The following MYO5A variants were observed in gnomAD, a reference collection of about 807,000 sequenced individuals.
The protein encoded by MYO5A is unconventional myosin-Va.
MYO5A carries 98 observed loss-of-function variants against 249.7 expected under a neutral mutation model. The observed-to-expected ratio is 0.39, with a 90% CI of 0.33 to 0.46. The LOEUF (loss-of-function observed/expected upper bound fraction) is 0.46. Among genes scored for constraint, MYO5A ranks in the 20% least tolerant of loss-of-function variants. The pLI is 0.98. For synonymous variants in MYO5A, 778 were observed against 810.6 expected (o/e 0.96, Z 0.68); for missense variants, 1,696 against 2,308.8 (o/e 0.73, Z 5.44).
At chr15:52,474,329 T>C (rs2076543459) in intron 1 of MYO5A, among the ~76,000 whole-genome samples, 1 of 152,236 alleles carries the variant, frequency 6.6e-6, no homozygotes, top group African/African-American at 2.4e-5. Context: ...TCATGTCATC[T>C]GCAAACAGGG....
At chr15:52,473,837 C>T (rs2141462453) in intron 1 of MYO5A, among the ~76,000 whole-genome samples, 1 of 152,266 alleles carries the variant, frequency 6.6e-6, no homozygotes, top group East Asian at 1.9e-4. Context: ...ATGCCTCCAG[C>T]TTTGTTCTTT....
At chr15:52,397,570 T>G (rs2042546239) in intron 9 of MYO5A, 104 bp from the exon 10 acceptor site, 1 of 1,358,270 alleles carries the variant, frequency 7.4e-7, no homozygotes, top group African/African-American at 1.4e-5. Flanking sequence ...GCAATTTCTT[T>G]GTTATAACAA....
chr15:52,376,369 CGT>C lies in MYO5A; in HGVS notation c.2396_2397del (p.Tyr799CysfsTer11). On this transcript the variant is annotated frameshift_variant, in exon 19 of 42. Transcript: ENST00000399233. LOFTEE classifies it high-confidence loss of function. Reference sequence around the variant, plus strand: ...TACCATCGGGCCTGGTAGCCCCGCACGTATCTCTGCATGGTGATGGCTGCCTT... The same window carrying C: ...TACCATCGGGCCTGGTAGCCCCGCACATCTCTGCATGGTGATGGCTGCCTT... Reference protein sequence around the residue: ...MRKAAITMQRYVRGYQARCYA... With the variant: ...MRKAAITMQRXVRGYQARCYA... The C allele has an allele frequency of 1.2e-6, 2 of 1,614,160 alleles. No individual in the cohort carries two copies. The highest frequency in any genetic ancestry group is 1.7e-6 in the Non-Finnish European group (2 of 1,180,038).
At chr15:52,342,478 T>C (rs940023904) in intron 31 of MYO5A, among the ~76,000 whole-genome samples, 2 of 152,214 alleles carry the variant, frequency 1.3e-5, no homozygotes, top group African/African-American at 2.4e-5. Context: ...CCCCAATAGT[T>C]TGTGCCCTAA....
chr15:52,338,936 ATACT>A (rs1020288021), intron 32 of MYO5A, among the ~76,000 whole-genome samples: 5 of 152,192 alleles, frequency 3.3e-5, no homozygotes, highest in South Asian at 2.1e-4. Flanking sequence ...ATATTTGGTA[ATACT>A]TAGTCATCAA....
chr15:52,442,432 G>A (rs961690248), intron 1 of MYO5A, among the ~76,000 whole-genome samples: 2 of 152,176 alleles, frequency 1.3e-5, no homozygotes, highest in African/African-American at 2.4e-5. Context: ...AAGAGCAGAA[G>A]TGTCCTGTAC....
At chr15:52,387,934 T>C in intron 13 of MYO5A, 22 bp from the exon 14 acceptor site, 1 of 1,533,334 alleles carries the variant, frequency 6.5e-7, no homozygotes, top group Non-Finnish European at 9.0e-7. Context: ...TGGAAAAATC[T>C]CCTTAACTGA....
chr15:52,392,668 T>G (rs1214514258), intron 11 of MYO5A, among the ~76,000 whole-genome samples: 1 of 152,258 alleles, frequency 6.6e-6, no homozygotes, highest in Non-Finnish European at 1.5e-5. Context: ...TCCATTGCTA[T>G]TTCCGATGAA....
intron 1 of MYO5A, among the ~76,000 whole-genome samples, chr15:52,476,531 T>C (rs1365297918): frequency 3.3e-5 from 5 of 152,222 alleles, no homozygotes; most frequent in Non-Finnish European, 7.3e-5. Flanking sequence ...TGGCTGGTAC[T>C]GGTTGTTCCT....
Position 52,375,296 on chromosome 15 carries a change from T to C in MYO5A, c.2577+8A>G. The C allele has an allele frequency of 6.2e-7, 1 of 1,613,982 alleles. No homozygotes were observed. The highest frequency in any genetic ancestry group is 8.5e-7 in the Non-Finnish European group (1 of 1,179,868). On this transcript the variant is annotated splice_region_variant and intron_variant, in intron 20 of 41. Transcript: ENST00000399233. ...AATGAATAAACAAAGTTGAAAATAA[T>C]GCCTCACCTTGCGATACCTATTTCT...
chr15:52,372,363 T>A lies in MYO5A; in HGVS notation c.2578A>T (p.Ile860Leu). The change falls in exon 21 of 42, where the codon ATA (isoleucine) becomes TTA (leucine). Residue 860 changes from isoleucine (I) to leucine (L), a missense_variant and splice_region_variant. Physicochemically the swap from Ile to Leu is conservative, Grantham distance 5 (BLOSUM62 2). Around this residue, in one of 5 missense-constraint regions of MYO5A, gnomAD observed 412 missense variants for 453.3 expected, o/e 0.91. Coordinates refer to ENST00000399233, the MANE Select transcript of MYO5A (RefSeq NM_001382347.1). ...GFLARNRYRK[I>L]LREHKAVIIQ... ...ATGACTGCTTTGTGCTCACGGAGTA[T>A]CTGCAGAAAAGGATAAGGGCAAGCA... The A allele has an allele frequency of 6.2e-7, 1 of 1,600,990 alleles. No individual in the cohort carries two copies. The highest frequency in any genetic ancestry group is 8.5e-7 in the Non-Finnish European group (1 of 1,179,886).
At chr15:52,418,234 T>G (rs113318673) in intron 4 of MYO5A, among the ~76,000 whole-genome samples, 138 of 152,314 alleles carry the variant, frequency 9.1e-4, no homozygotes, top group African/African-American at 3.1e-3. Context: ...ACAATAATCC[T>G]AAATAGGCTG....
intron 1 of MYO5A, among the ~76,000 whole-genome samples, chr15:52,477,389 C>T (rs1351495277): frequency 6.6e-6 from 1 of 152,216 alleles, no homozygotes; most frequent in Admixed American, 6.5e-5. Flanking sequence ...CCGAAGCCTT[C>T]TTCTCTCAAC....
rs924463898 is a variant in MYO5A, at chr15:52,487,096, T to C, written c.27+41684A>G. On this transcript the variant is annotated intron_variant, in intron 1 of 41. Coordinates refer to ENST00000399233, the MANE Select transcript of MYO5A (RefSeq NM_001382347.1). ...GGTCATACGACACAAAATTATTTCCTGGGGGATGTATGGAACACTGTGCTA... is the reference window on the plus strand; with the variant it reads ...GGTCATACGACACAAAATTATTTCCCGGGGGATGTATGGAACACTGTGCTA... 6.1e-4 allele frequency among the ~76,000 whole-genome samples: 93 copies of C among 152,160 alleles called. 3 individuals are homozygous for C. Among genetic ancestry groups the C allele is most frequent in the Non-Finnish European group, 5.9e-5 (4 of 68,010 alleles).
intron 1 of MYO5A, among the ~76,000 whole-genome samples, chr15:52,474,337 G>A (rs1567160997): frequency 6.6e-6 from 1 of 152,156 alleles, no homozygotes; most frequent in Non-Finnish European, 1.5e-5. Context: ...TCTGCAAACA[G>A]GGACAATTTG....
At chr15:52,333,023 C>T (rs2038960499) in intron 34 of MYO5A, among the ~76,000 whole-genome samples, 3 of 152,140 alleles carry the variant, frequency 2.0e-5, no homozygotes, top group Admixed American at 2.0e-4. Flanking sequence ...CACCTTCTGC[C>T]ATGTAAGAAC....
intron 1 of MYO5A, among the ~76,000 whole-genome samples, chr15:52,520,253 A>T (rs2077589190): frequency 6.6e-6 from 1 of 152,174 alleles, no homozygotes; most frequent in African/African-American, 2.4e-5. Flanking sequence ...GCTCACAGCC[A>T]TCCCATGAGG....
chr15:52,380,753 C>T lies in MYO5A; in HGVS notation c.2013-845G>A, dbSNP rs139476813. On this transcript the variant is annotated intron_variant, in intron 16 of 41. Coordinates refer to ENST00000399233, the MANE Select transcript of MYO5A (RefSeq NM_001382347.1). ...TTGCATTCCAGCCTGGGTGACAGGG[C>T]GAGACTCCGTCTAAAAAACAACAGC... Among the ~76,000 whole-genome samples, 852 of 152,186 alleles carry T rather than the reference C, an allele frequency of 5.6e-3. 6 individuals are homozygous for T. Among genetic ancestry groups the T allele is most frequent in the African/African-American group, 0.019 (793 of 41,518 alleles).
At chr15:52,506,267 C>T (rs1297670585) in intron 1 of MYO5A, among the ~76,000 whole-genome samples, 4 of 152,146 alleles carry the variant, frequency 2.6e-5, no homozygotes, top group African/African-American at 7.2e-5. Context: ...AGGAGAATGA[C>T]GTGAACCCGG....
Sources: gnomAD v4.1 joint callset for allele counts (sites outside exome capture counted in the v4.1 genomes callset) on GRCh38, gnomAD v4.1.1 for gene constraint, gnomAD v4.1.1 regional missense constraint, MANE v1.5 for transcripts, NCBI Gene and HGNC (gene_info 2026-07-23, HGNC 2026-07-21) for gene names.